Variants in ADGRV1 observed in about 807,000 individuals in gnomAD.
ADGRV1 encodes adhesion G protein-coupled receptor V1.
In ADGRV1, 359 loss-of-function variants were observed where a neutral mutation model predicts 596.2. The observed-to-expected ratio is 0.60, with a 90% confidence interval of 0.55 to 0.66. The LOEUF (loss-of-function observed/expected upper bound fraction) is 0.66, where lower values mean the gene tolerates loss of function less well. Among genes scored for constraint, ADGRV1 ranks in the 30% least tolerant of loss-of-function variants. ADGRV1 has a pLI of 0.00. For synonymous variants in ADGRV1, 2,681 were observed against 2,679.2 expected (o/e 1.00, Z -0.02); for missense variants, 7,274 against 7,575.6 (o/e 0.96, Z 1.48).
At chr5:90,734,649 A>C (rs1428986999) in intron 50 of ADGRV1, among the ~76,000 whole-genome samples, 1 of 141,918 alleles carries the variant, frequency 7.0e-6, no homozygotes, top group Non-Finnish European at 1.5e-5. Context: ...GCAGTGGTGC[A>C]ATCTCAGCTC....
At chr5:90,852,913 G>A (rs1030476368) in intron 79 of ADGRV1, among the ~76,000 whole-genome samples, 10 of 152,122 alleles carry the variant, frequency 6.6e-5, no homozygotes, top group African/African-American at 2.4e-4. Flanking sequence ...GCTCAGTGGG[G>A]GGACATGCTT....
chr5:90,815,214 C>T (rs1314875913), intron 74 of ADGRV1, among the ~76,000 whole-genome samples: 1 of 152,124 alleles, frequency 6.6e-6, no homozygotes, highest in Non-Finnish European at 1.5e-5. Context: ...ACTATATGCT[C>T]AGTTCTGTTC....
intron 83 of ADGRV1, among the ~76,000 whole-genome samples, chr5:90,887,285 A>T (rs1286269935): frequency 6.6e-6 from 1 of 152,018 alleles, no homozygotes; most frequent in South Asian, 2.1e-4. Context: ...GGCTGTTTGT[A>T]TCAGAGGTTC....
chr5:90,842,187 TA>T (rs1447302304), intron 78 of ADGRV1, among the ~76,000 whole-genome samples: 1 of 152,228 alleles, frequency 6.6e-6, no homozygotes, highest in Non-Finnish European at 1.5e-5. Context: ...TTAACCAAGT[TA>T]TTATTGGTTA....
intron 78 of ADGRV1, among the ~76,000 whole-genome samples, chr5:90,845,483 A>C (rs1765789681): frequency 6.6e-6 from 1 of 152,112 alleles, no homozygotes; most frequent in African/African-American, 2.4e-5. Flanking sequence ...TTTAATTCTT[A>C]CAATTCTGAA....
At chr5:90,903,991 T>G (rs939868928) in intron 83 of ADGRV1, among the ~76,000 whole-genome samples, 3 of 152,056 alleles carry the variant, frequency 2.0e-5, no homozygotes, top group African/African-American at 7.2e-5. Flanking sequence ...GATTTTTAGA[T>G]CCCACAAATA....
intron 83 of ADGRV1, among the ~76,000 whole-genome samples, chr5:90,901,500 A>G (rs1330719417): frequency 6.6e-6 from 1 of 152,114 alleles, no homozygotes; most frequent in Non-Finnish European, 1.5e-5. Flanking sequence ...TTAAGAATGA[A>G]TGTGAATCCA....
intron 1 of ADGRV1, among the ~76,000 whole-genome samples, chr5:90,598,563 A>G (rs2152017873): frequency 6.6e-6 from 1 of 152,328 alleles, no homozygotes; most frequent in East Asian, 1.9e-4. Flanking sequence ...AGCCTGAAGT[A>G]GCAGGCCTGG....
At chr5:90,726,891 G>A (rs1334635956) in intron 48 of ADGRV1, among the ~76,000 whole-genome samples, 1 of 152,008 alleles carries the variant, frequency 6.6e-6, no homozygotes, top group Non-Finnish European at 1.5e-5. Context: ...TGTATTCCAG[G>A]CCTACATACC....
intron 29 of ADGRV1, among the ~76,000 whole-genome samples, chr5:90,689,332 CTTTT>C (rs34756274): frequency 1.3e-3 from 132 of 104,424 alleles, no homozygotes; most frequent in African/African-American, 2.8e-3. Context: ...CCCCACCCAC[CTTTT>C]TTTTTTTTTT....
intron 85 of ADGRV1, among the ~76,000 whole-genome samples, chr5:91,048,540 C>T (rs1469061231): frequency 6.6e-6 from 1 of 152,192 alleles, no homozygotes; most frequent in Non-Finnish European, 1.5e-5. Flanking sequence ...CACACAGTTA[C>T]TTCTACATAG....
chr5:90,652,692 A>T, intron 19 of ADGRV1, 129 bp downstream of exon 19: 2 of 606,702 alleles, frequency 3.3e-6, no homozygotes, highest in Non-Finnish European at 5.6e-6. Flanking sequence ...TGACTATCTG[A>T]TTTTAAATGT....
intron 70 of ADGRV1, among the ~76,000 whole-genome samples, chr5:90,794,690 C>T (rs1425871620): frequency 6.6e-6 from 1 of 152,154 alleles, no homozygotes; most frequent in Non-Finnish European, 1.5e-5. Context: ...GAATTGCTGG[C>T]AAGATGGCCG....
rs150816712 is a variant in ADGRV1, at chr5:90,558,829, A to T, written c.-67A>T. ...AGAATCAGCAGCGCGGGCAAGGAGT[A>T]CGGACGGGAGTCAGAGGCAGAGCGA... On this transcript the variant is annotated 5_prime_UTR_variant, in exon 1 of 90. Transcript: ENST00000405460. The T allele has an allele frequency of 2.8e-3, 4,273 of 1,506,734 alleles. 53 individuals are homozygous for T. The Middle Eastern group carries it at 0.037, about 13-fold the overall frequency. The allele number at this position is 1,506,734 out of a possible 1,614,324, so 93.3% of individuals were successfully genotyped here.
chr5:90,987,187 T>A (rs1231490536), intron 85 of ADGRV1, among the ~76,000 whole-genome samples: 2 of 152,168 alleles, frequency 1.3e-5, no homozygotes, highest in Non-Finnish European at 2.9e-5. Context: ...CTTAAAGATT[T>A]GTTAGACCAG....
At chr5:90,650,625 G>T (rs935043798) in intron 17 of ADGRV1, among the ~76,000 whole-genome samples, 3 of 152,094 alleles carry the variant, frequency 2.0e-5, no homozygotes, top group African/African-American at 7.2e-5. Context: ...TAAATTCTGC[G>T]CACCGGTTAC....
intron 83 of ADGRV1, among the ~76,000 whole-genome samples, chr5:90,865,745 G>A (rs547151927): frequency 3.9e-5 from 6 of 152,128 alleles, no homozygotes; most frequent in Non-Finnish European, 7.4e-5. Flanking sequence ...GTTAAGAATA[G>A]TTATCTCCCT....
intron 56 of ADGRV1, 137 bp from the exon 57 acceptor site, chr5:90,756,842 G>A (rs896533748): frequency 1.8e-4 from 137 of 771,746 alleles, no homozygotes; most frequent in Admixed American, 5.1e-4. Flanking sequence ...GACCTTTTAT[G>A]CATACTTATA....
intron 87 of ADGRV1, among the ~76,000 whole-genome samples, chr5:91,120,164 G>A (rs1374596062): frequency 6.6e-6 from 1 of 152,188 alleles, no homozygotes; most frequent in Non-Finnish European, 1.5e-5. Flanking sequence ...CCTGGAGCAC[G>A]TGGTCAAGTG....
Sources: gnomAD v4.1 joint callset for allele counts (sites outside exome capture counted in the v4.1 genomes callset) on GRCh38, gnomAD v4.1.1 for gene constraint, MANE v1.5 for transcripts, NCBI Gene and HGNC (gene_info 2026-07-23, HGNC 2026-07-21) for gene names.